RFX4: variants seen among roughly 807,000 people sequenced by gnomAD.
RFX4 encodes transcription factor RFX4.
Under a neutral mutation model 95.0 loss-of-function variants are expected in RFX4, and 10 were observed. The observed-to-expected ratio is 0.11, with a 90% CI of 0.06 to 0.18. RFX4 has a LOEUF of 0.18. RFX4 is among the 10% of genes least tolerant of loss of function. RFX4 has a pLI of 1.00. For missense variants in RFX4, 640 were observed against 922.0 expected, an observed-to-expected ratio of 0.69 and a Z score of 3.96; for synonymous variants, 321 against 340.7, an observed-to-expected ratio of 0.94 and a Z score of 0.64.
rs376611414 is a variant in RFX4, at chr12:106,669,992, A to G, written c.316-12001A>G. 2.0e-4 allele frequency among the ~76,000 whole-genome samples: 31 copies of G among 152,066 alleles called. No homozygotes were observed. The East Asian group carries it at 3.9e-3, about 19-fold the overall frequency. On this transcript the variant is annotated intron_variant, in intron 4 of 17. Transcript: ENST00000392842. The stretch of plus-strand genomic sequence containing the variant: ...TAATTTCCTAACAGCCCTCAGCCTC[A>G]GTTTCCTCATCTGTAAAATGGAATA...
intron 7 of RFX4, among the ~76,000 whole-genome samples, chr12:106,689,571 G>A (rs1191982919): frequency 6.6e-6 from 1 of 152,104 alleles, no homozygotes; most frequent in African/African-American, 2.4e-5. Context: ...GTATAGCAGT[G>A]GGCTTGGCCT....
chr12:106,590,542 G>T (rs1331120458), intron 1 of RFX4, among the ~76,000 whole-genome samples: 1 of 152,210 alleles, frequency 6.6e-6, no homozygotes, highest in Admixed American at 6.5e-5. Context: ...TGGGAAGCAA[G>T]ATCACTCTTA....
chr12:106,696,135 A>G, intron 7 of RFX4, 148 bp from the exon 8 acceptor site: 1 of 879,774 alleles, frequency 1.1e-6, no homozygotes, highest in South Asian at 1.7e-5. Flanking sequence ...AGGGCCTCCT[A>G]CAACATGGCA....
chr12:106,705,818 C>T (rs2042073578), intron 8 of RFX4, among the ~76,000 whole-genome samples: 1 of 152,176 alleles, frequency 6.6e-6, no homozygotes, highest in Admixed American at 6.5e-5. Flanking sequence ...TTCATTCTTA[C>T]ACTTCACTTA....
At chr12:106,588,638 T>C (rs1221460854) in intron 1 of RFX4, among the ~76,000 whole-genome samples, 1 of 152,146 alleles carries the variant, frequency 6.6e-6, no homozygotes, top group East Asian at 1.9e-4. Context: ...ATATGCTCTA[T>C]TGAGTTGGTG....
intron 1 of RFX4, among the ~76,000 whole-genome samples, chr12:106,589,198 T>G (rs1009808715): frequency 2.0e-5 from 3 of 152,208 alleles, no homozygotes; most frequent in Admixed American, 6.5e-5. Context: ...AAGAGTTTAT[T>G]TGGAGGTATC....
chr12:106,711,615 C>A, intron 10 of RFX4, 104 bp downstream of exon 10: 1 of 872,976 alleles, frequency 1.1e-6, no homozygotes, highest in Non-Finnish European at 1.9e-6. Context: ...GTTAACAGGG[C>A]ACTCTCTCTA....
At chr12:106,670,297 A>C (rs955806130) in intron 4 of RFX4, among the ~76,000 whole-genome samples, 1 of 152,074 alleles carries the variant, frequency 6.6e-6, no homozygotes, top group African/African-American at 2.4e-5. Context: ...GAATTATTCC[A>C]TTTTTGACTT....
At chr12:106,686,857 C>G (rs746066487) in intron 5 of RFX4, 27 bp from the exon 6 acceptor site, 12 of 1,562,668 alleles carry the variant, frequency 7.7e-6, no homozygotes, top group Non-Finnish European at 9.6e-6. Flanking sequence ...TTTTTTCTCT[C>G]TCTCCCTCCC....
chr12:106,703,427 A>C (rs2042027576), intron 8 of RFX4, among the ~76,000 whole-genome samples: 1 of 152,188 alleles, frequency 6.6e-6, no homozygotes, highest in African/African-American at 2.4e-5. Flanking sequence ...TTAAGACCGA[A>C]TTTCAATTTT....
At chr12:106,688,164 G>T (rs1397627590) in intron 6 of RFX4, among the ~76,000 whole-genome samples, 1 of 148,566 alleles carries the variant, frequency 6.7e-6, no homozygotes. Flanking sequence ...CCGCCTCCCA[G>T]GTTCAAGCAA....
intron 1 of RFX4, among the ~76,000 whole-genome samples, chr12:106,607,340 C>T (rs923373172): frequency 3.3e-5 from 5 of 152,138 alleles, no homozygotes; most frequent in Admixed American, 2.6e-4. Context: ...CAGTTTTGCA[C>T]GTGTTAAATG....
intron 8 of RFX4, 123 bp downstream of exon 8, chr12:106,696,569 G>A: frequency 1.1e-6 from 1 of 936,754 alleles, no homozygotes; most frequent in Non-Finnish European, 1.5e-6. Context: ...CATTAATATT[G>A]AACTTTTAAA....
intron 1 of RFX4, among the ~76,000 whole-genome samples, chr12:106,603,917 T>C (rs1234595055): frequency 1.3e-5 from 2 of 152,124 alleles, no homozygotes; most frequent in Non-Finnish European, 2.9e-5. Flanking sequence ...TAATAAAGTT[T>C]TTAGAAAAAG....
chr12:106,664,887 G>A (rs1202703408), intron 4 of RFX4, among the ~76,000 whole-genome samples: 2 of 151,790 alleles, frequency 1.3e-5, no homozygotes, highest in Non-Finnish European at 3.0e-5. Flanking sequence ...ATTCTACTGT[G>A]GCCTGAGAGC....
intron 4 of RFX4, among the ~76,000 whole-genome samples, chr12:106,654,968 A>C (rs140724586): frequency 5.2e-4 from 79 of 150,924 alleles, no homozygotes; most frequent in African/African-American, 1.6e-3. Flanking sequence ...AATTTGAGTC[A>C]ATACATCTAA....
At chr12:106,631,608 A>G (rs2137261625) in intron 2 of RFX4, among the ~76,000 whole-genome samples, 1 of 152,350 alleles carries the variant, frequency 6.6e-6, no homozygotes, top group South Asian at 2.1e-4. Context: ...GTGTGAACAC[A>G]GGGCAAGAAG....
chr12:106,723,450 C>A (rs1405855612), intron 13 of RFX4, among the ~76,000 whole-genome samples: 1 of 152,196 alleles, frequency 6.6e-6, no homozygotes, highest in East Asian at 1.9e-4. Flanking sequence ...CTGCTTATCT[C>A]ACTGTTATGA....
At chr12:106,674,908 G>A (rs565591725) in intron 4 of RFX4, among the ~76,000 whole-genome samples, 2 of 152,312 alleles carry the variant, frequency 1.3e-5, no homozygotes, top group East Asian at 1.9e-4. Context: ...GCTGCAGCTT[G>A]TTGAACATGG....
Sources: gnomAD v4.1 joint callset for allele counts (sites outside exome capture counted in the v4.1 genomes callset) on GRCh38, gnomAD v4.1.1 for gene constraint, MANE v1.5 for transcripts, NCBI Gene and HGNC (gene_info 2026-07-23, HGNC 2026-07-21) for gene names.